Variants in GALNT17 observed in about 807,000 individuals in gnomAD.
GALNT17 encodes UDP-GalNAc:polypeptide N-acetylgalactosaminyltransferase-like 3.
A neutral mutation model predicts 63.7 loss-of-function variants in GALNT17; 29 were observed. The ratio of observed to expected loss-of-function variants is 0.46; its 90% CI spans 0.34 to 0.62. The LOEUF is 0.62. GALNT17 is among the 20% of genes least tolerant of loss of function. The pLI, the probability that GALNT17 is intolerant of heterozygous loss-of-function variation, is 0.01. For missense variants in GALNT17, 603 were observed against 799.6 expected, an observed-to-expected ratio of 0.75 and a Z score of 2.97; for synonymous variants, 305 against 318.3, an observed-to-expected ratio of 0.96 and a Z score of 0.45.
intron 2 of GALNT17, among the ~76,000 whole-genome samples, chr7:71,362,961 C>T (rs1479353768): frequency 6.6e-6 from 1 of 151,826 alleles, no homozygotes; most frequent in African/African-American, 2.4e-5. Context: ...CCATTTCTTT[C>T]TTTCTTTCTT....
rs181933609 is a variant in GALNT17 at position 71,670,818 on chromosome 7, G to A, written c.1404+709G>A. Among the ~76,000 whole-genome samples, 682 of 152,066 alleles carry A rather than the reference G, an allele frequency of 4.5e-3. 22 individuals are homozygous for A. Among genetic ancestry groups the A allele is most frequent in the Admixed American group, 0.03 (455 of 15,250 alleles). On this transcript the variant is annotated intron_variant, in intron 8 of 10. Coordinates refer to ENST00000333538, the MANE Select transcript of GALNT17 (RefSeq NM_022479.3). ...AGAGCGTGTAAGTCACAAAGCCAAG[G>A]TTGGACTTGGGGATCTGGATACCAG...
At chr7:71,407,134 A>G (rs144402377) in intron 3 of GALNT17, among the ~76,000 whole-genome samples, 1 of 152,286 alleles carries the variant, frequency 6.6e-6, no homozygotes, top group Non-Finnish European at 1.5e-5. Flanking sequence ...TATGGTCACC[A>G]TGCAGGGGCT....
At chr7:71,201,100 A>T (rs995849385) in intron 1 of GALNT17, among the ~76,000 whole-genome samples, 7 of 151,220 alleles carry the variant, frequency 4.6e-5, no homozygotes. Flanking sequence ...CACTGTTTTG[A>T]TTTGCATTTC....
At chr7:71,201,257 A>ATATATATATATATATATAT (rs10526171) in intron 1 of GALNT17, among the ~76,000 whole-genome samples, 26 of 148,142 alleles carry the variant, frequency 1.8e-4, no homozygotes, top group South Asian at 8.4e-4. Flanking sequence ...ATATATATAT[A>ATATATATATATATATATAT]ATTTGTGTGT....
At chr7:71,215,398 G>C (rs571459815) in intron 1 of GALNT17, among the ~76,000 whole-genome samples, 3 of 151,904 alleles carry the variant, frequency 2.0e-5, no homozygotes, top group African/African-American at 4.8e-5. Flanking sequence ...GTTTTGAAAC[G>C]GTCTTGTATT....
chr7:71,377,339 T>C, intron 2 of GALNT17, among the ~76,000 whole-genome samples: 1 of 19,720 alleles, frequency 5.1e-5, no homozygotes, highest in Admixed American at 5.7e-4. Context: ...GTGGAGCCAG[T>C]AGGTGAATAT....
chr7:71,351,989 G>A (rs1055042999), intron 2 of GALNT17, among the ~76,000 whole-genome samples: 4 of 152,230 alleles, frequency 2.6e-5, no homozygotes, highest in South Asian at 2.1e-4. Flanking sequence ...TAGTGATTCC[G>A]ACTAGGGTGT....
At position 71,712,417 on chromosome 7, in the gene GALNT17, C is replaced by T. The variant is rs1357581287; in HGVS notation, c.*271C>T. On this transcript the variant is annotated 3_prime_UTR_variant, in exon 11 of 11. Transcript: ENST00000333538. The stretch of plus-strand genomic sequence containing the variant: ...TGTCTTCCACAGCCTCTGATGTGGA[C>T]CTGGTACTGAGGAGCAAGACTGTCC... 2 of 336,600 alleles carry T rather than the reference C, an allele frequency of 5.9e-6. No homozygotes were observed. The highest frequency in any genetic ancestry group is 1.1e-5 in the Non-Finnish European group (2 of 179,580). The allele number at this position is 336,600 out of a possible 1,614,324, so 20.9% of individuals were successfully genotyped here. A position where few individuals can be genotyped will look rare whatever the true frequency, so the allele number is the denominator to read the frequency against.
At chr7:71,329,474 TCCGTTCTCCTA>T (rs1228008587) in intron 1 of GALNT17, among the ~76,000 whole-genome samples, 1 of 152,142 alleles carries the variant, frequency 6.6e-6, no homozygotes, top group Non-Finnish European at 1.5e-5. Context: ...TCTGTATTAG[TCCGTTCTCCTA>T]CTGCTATTAA....
intron 1 of GALNT17, among the ~76,000 whole-genome samples, chr7:71,173,836 T>C (rs930045610): frequency 1.1e-4 from 17 of 152,190 alleles, no homozygotes; most frequent in African/African-American, 1.9e-4. Context: ...GTATTTTTTT[T>C]CCCTATTTTG....
At chr7:71,360,053 A>T (rs1006642105) in intron 2 of GALNT17, among the ~76,000 whole-genome samples, 1 of 152,180 alleles carries the variant, frequency 6.6e-6, no homozygotes, top group African/African-American at 2.4e-5. Flanking sequence ...TGAGGCTCTT[A>T]TTGAAGTACA....
chr7:71,371,136 T>A (rs1792616444), intron 2 of GALNT17, among the ~76,000 whole-genome samples: 1 of 152,202 alleles, frequency 6.6e-6, no homozygotes, highest in South Asian at 2.1e-4. Flanking sequence ...GGTAACACAG[T>A]GTGTCTCTTA....
chr7:71,249,859 A>G (rs1341197719), intron 1 of GALNT17, among the ~76,000 whole-genome samples: 1 of 152,244 alleles, frequency 6.6e-6, no homozygotes, highest in Non-Finnish European at 1.5e-5. Context: ...AAATTCAGCT[A>G]GTAAATTTCC....
At chr7:71,448,053 T>C (rs899499376) in intron 5 of GALNT17, among the ~76,000 whole-genome samples, 2 of 152,160 alleles carry the variant, frequency 1.3e-5, no homozygotes, top group Non-Finnish European at 2.9e-5. Context: ...TTTTAGTGCT[T>C]GTATGTGTAA....
chr7:71,526,355 T>G (rs1562676521), intron 5 of GALNT17, among the ~76,000 whole-genome samples: 1 of 152,172 alleles, frequency 6.6e-6, no homozygotes, highest in Non-Finnish European at 1.5e-5. Flanking sequence ...TGGTTGAGCC[T>G]AGTCGCAAAA....
chr7:71,692,736 TA>T (rs1377626976), intron 9 of GALNT17, among the ~76,000 whole-genome samples: 1 of 11,950 alleles, frequency 8.4e-5, no homozygotes, highest in Non-Finnish European at 7.8e-4. Flanking sequence ...ATTTTTATTC[TA>T]TTTTTTTTTT....
intron 5 of GALNT17, among the ~76,000 whole-genome samples, chr7:71,498,322 CA>C (rs1258331766): frequency 3.3e-5 from 5 of 151,868 alleles, no homozygotes; most frequent in Non-Finnish European, 5.9e-5. Flanking sequence ...ACTAAAAATA[CA>C]AAAATTAGCC....
intron 3 of GALNT17, among the ~76,000 whole-genome samples, chr7:71,407,248 A>G (rs1431487538): frequency 6.6e-6 from 1 of 152,170 alleles, no homozygotes; most frequent in Non-Finnish European, 1.5e-5. Flanking sequence ...ACAGAGGTAG[A>G]CTTGGAAACC....
chr7:71,616,579 C>A (rs553328375), intron 6 of GALNT17, among the ~76,000 whole-genome samples: 1 of 143,982 alleles, frequency 6.9e-6, no homozygotes, highest in South Asian at 2.2e-4. Context: ...ATCTGATATT[C>A]TGGATATTAG....
Sources: allele counts gnomAD v4.1 joint callset (sites outside exome capture counted in the v4.1 genomes callset), GRCh38; gene constraint gnomAD v4.1.1; transcripts MANE v1.5; gene names NCBI Gene and HGNC (gene_info 2026-07-23, HGNC 2026-07-21).